Variants in STEAP1B observed in about 807,000 individuals in gnomAD.
STEAP1B encodes STEAP family protein MGC87042.
A neutral mutation model predicts 27.9 loss-of-function variants in STEAP1B; 13 were observed. That is an observed-to-expected ratio of 0.47 (90% confidence interval 0.30 to 0.74). The LOEUF is 0.74. Ranked by LOEUF, STEAP1B falls within the 30% of genes least tolerant of loss-of-function variation. The pLI is 0.06. For synonymous variants in STEAP1B, 86 were observed against 107.1 expected (o/e 0.80, Z 1.22); for missense variants, 250 against 298.7 (o/e 0.84, Z 1.20).
intron 4 of STEAP1B, among the ~76,000 whole-genome samples, chr7:22,433,071 A>T (rs1258875166): frequency 2.0e-5 from 3 of 152,202 alleles, no homozygotes; most frequent in Non-Finnish European, 4.4e-5. Context: ...AAATAGAAAA[A>T]CACAGGGGGA....
chr7:22,445,276 C>T (rs924435564), intron 4 of STEAP1B, among the ~76,000 whole-genome samples: 3 of 152,230 alleles, frequency 2.0e-5, no homozygotes, highest in Non-Finnish European at 4.4e-5. Flanking sequence ...GGAAGAACAG[C>T]GAGAAATCTC....
intron 4 of STEAP1B, among the ~76,000 whole-genome samples, chr7:22,488,954 C>T (rs1786269683): frequency 6.6e-6 from 1 of 152,176 alleles, no homozygotes. Flanking sequence ...ATAAAAATGA[C>T]TAGGAGTTGC....
At chr7:22,489,564 T>C (rs991374984) in intron 4 of STEAP1B, among the ~76,000 whole-genome samples, 16 of 152,122 alleles carry the variant, frequency 1.1e-4, no homozygotes, top group African/African-American at 3.6e-4. Context: ...GGTTTCCTTA[T>C]AAAAAGGAGA....
intron 1 of STEAP1B, among the ~76,000 whole-genome samples, chr7:22,498,370 T>A (rs1786477939): frequency 6.6e-6 from 1 of 151,890 alleles, no homozygotes. Flanking sequence ...CCAAACCATA[T>A]CACCAACTTA....
At chr7:22,459,392 G>A (rs1180215133) in intron 4 of STEAP1B, among the ~76,000 whole-genome samples, 2 of 152,166 alleles carry the variant, frequency 1.3e-5, no homozygotes, top group East Asian at 1.9e-4. Context: ...GTAGCTTCAC[G>A]TTTTCAGTGT....
At chr7:22,467,405 CT>C (rs1296105933) in intron 4 of STEAP1B, among the ~76,000 whole-genome samples, 1 of 152,182 alleles carries the variant, frequency 6.6e-6, no homozygotes, top group Non-Finnish European at 1.5e-5. Context: ...TCCAGCTGTG[CT>C]CTTGTGAGCT....
chr7:22,438,353 T>C, intron 4 of STEAP1B: 1 of 1,016,780 alleles, frequency 9.8e-7, no homozygotes, highest in East Asian at 2.6e-5. Flanking sequence ...CATAATACTG[T>C]TAGTGAAGAT....
Position 22,438,735 on chromosome 7 carries a change from C to T in STEAP1B, c.763-18899G>A. 6 of 1,551,546 alleles carry T rather than the reference C, an allele frequency of 3.9e-6. No homozygotes were observed. The South Asian group carries it at 7.1e-5, about 18-fold the overall frequency. ...TGGCCTGAAAGTTGCACAAAGCTAC[C>T]AGGCTTCCAGTCAGTATAGCCTAGA... On this transcript the variant is annotated intron_variant, in intron 4 of 4. Transcript: ENST00000678116.
intron 4 of STEAP1B, among the ~76,000 whole-genome samples, chr7:22,460,148 A>G (rs1424726332): frequency 6.6e-6 from 1 of 151,900 alleles, no homozygotes; most frequent in Non-Finnish European, 1.5e-5. Flanking sequence ...CGTCTCTACA[A>G]AAAAACGTTT....
chr7:22,496,022 G>A (rs1156521736), intron 1 of STEAP1B, among the ~76,000 whole-genome samples: 3 of 152,168 alleles, frequency 2.0e-5, no homozygotes, highest in African/African-American at 4.8e-5. Context: ...AGAAGGCATT[G>A]TTATCAGAGA....
chr7:22,436,741 T>C (rs1464529700), intron 4 of STEAP1B, among the ~76,000 whole-genome samples: 1 of 152,250 alleles, frequency 6.6e-6, no homozygotes, highest in African/African-American at 2.4e-5. Flanking sequence ...TTTTTAAGAC[T>C]GCATAGTATT....
chr7:22,481,889 G>T (rs1382178078), intron 4 of STEAP1B, among the ~76,000 whole-genome samples: 1 of 152,238 alleles, frequency 6.6e-6, no homozygotes, highest in African/African-American at 2.4e-5. Context: ...ATCCTTGAGG[G>T]TGGGGAGGAA....
intron 1 of STEAP1B, among the ~76,000 whole-genome samples, chr7:22,497,459 A>T (rs1234566737): frequency 1.3e-5 from 2 of 152,156 alleles, no homozygotes; most frequent in Non-Finnish European, 2.9e-5. Context: ...GACAGTCAAC[A>T]CATTCCCTTT....
In STEAP1B at chr7:22,426,193, A is replaced by C. The variant is rs201707590; in HGVS notation, c.763-6357T>G. 7.6e-4 allele frequency among the ~76,000 whole-genome samples: 10 copies of C among 13,120 alleles called. 1 individual carries two copies. In the East Asian group the frequency reaches 0.019, roughly 25 times the overall value. The allele number at this position is 13,120 out of a possible 152,430, so 8.6% of individuals were successfully genotyped here. ...TCCTTTTGTCTCCTGGGCACTGCAT[A>C]AAAAAATGAAAAGTTTGAATAGTTT... On this transcript the variant is annotated intron_variant, in intron 4 of 4. Transcript: ENST00000678116.
At chr7:22,460,206 T>C (rs1044868863) in intron 4 of STEAP1B, among the ~76,000 whole-genome samples, 4 of 151,202 alleles carry the variant, frequency 2.6e-5, no homozygotes, top group Non-Finnish European at 5.9e-5. Flanking sequence ...GTCCTAGCTA[T>C]GGGGTAGGGT....
chr7:22,445,933 G>C (rs1785403492), intron 4 of STEAP1B, among the ~76,000 whole-genome samples: 1 of 152,320 alleles, frequency 6.6e-6, no homozygotes, highest in Admixed American at 6.5e-5. Flanking sequence ...TCGGAAACTT[G>C]ACAACTGGAG....
intron 4 of STEAP1B, among the ~76,000 whole-genome samples, chr7:22,470,232 A>C (rs2128410608): frequency 6.6e-6 from 1 of 152,326 alleles, no homozygotes; most frequent in East Asian, 1.9e-4. Context: ...AGTGCCATAA[A>C]ACAAATATAT....
At chr7:22,460,028 G>A (rs564000074) in intron 4 of STEAP1B, among the ~76,000 whole-genome samples, 1 of 152,156 alleles carries the variant, frequency 6.6e-6, no homozygotes, top group Non-Finnish European at 1.5e-5. Flanking sequence ...TATGAGGAAA[G>A]GCTGGCTGTG....
At chr7:22,423,921 T>C (rs566539249) in intron 4 of STEAP1B, among the ~76,000 whole-genome samples, 14 of 152,134 alleles carry the variant, frequency 9.2e-5, no homozygotes, top group African/African-American at 3.1e-4. Flanking sequence ...TCCAGCTAAA[T>C]AGGAGACTGA....
Sources: allele counts gnomAD v4.1 joint callset (sites outside exome capture counted in the v4.1 genomes callset), GRCh38; gene constraint gnomAD v4.1.1; transcripts MANE v1.5; gene names NCBI Gene and HGNC (gene_info 2026-07-23, HGNC 2026-07-21).